Variants in MYO1H observed in about 807,000 individuals in gnomAD.
MYO1H encodes the protein myosin IH.
In MYO1H, 118 loss-of-function variants were observed where a neutral mutation model predicts 149.3. The observed-to-expected ratio is 0.79, with a 90% CI of 0.68 to 0.92. The LOEUF (loss-of-function observed/expected upper bound fraction) is 0.92, where lower values mean the gene tolerates loss of function less well. MYO1H is among the 40% of genes least tolerant of loss of function. MYO1H has a pLI of 0.00. For missense variants in MYO1H, 1,212 were observed against 1,280.7 expected (o/e 0.95, Z 0.82); for synonymous variants, 447 against 465.2 (o/e 0.96, Z 0.50).
chr12:109,401,094 G>A (rs1325602649), exon 6 of MYO1H: 14 of 1,613,046 alleles, frequency 8.7e-6, no homozygotes, highest in African/African-American at 1.3e-5. Context: ...GTTTTGAAGG[G>A]CATTCCCGTA....
chr12:109,413,729 G>GT, intron 14 of MYO1H, among the ~76,000 whole-genome samples: 1 of 152,128 alleles, frequency 6.6e-6, no homozygotes, highest in Admixed American at 6.6e-5. Context: ...GACCAACATG[G>GT]TGAAACCCTG....
intron 2 of MYO1H, among the ~76,000 whole-genome samples, chr12:109,389,440 G>A (rs140004430): frequency 5.5e-4 from 83 of 152,234 alleles, no homozygotes; most frequent in Non-Finnish European, 1.0e-3. Flanking sequence ...GCCCTGGACG[G>A]TATAGGCAGA....
intron 27 of MYO1H, among the ~76,000 whole-genome samples, chr12:109,443,042 G>GTGTGTGTGTGTGTATACACA (rs1276021967): frequency 1.1e-5 from 1 of 91,974 alleles, no homozygotes; most frequent in East Asian, 3.1e-4. Flanking sequence ...GTGTGTGTGT[G>GTGTGTGTGTGTGTATACACA]TGTGTATATA....
At chr12:109,345,212 T>A (rs1303659692), upstream of MYO1H, among the ~76,000 whole-genome samples, 1 of 152,184 alleles carries the variant, frequency 6.6e-6, no homozygotes, top group African/African-American at 2.4e-5. Flanking sequence ...CAGTGTCAGA[T>A]AAAGTTCTAG....
intron 1 of MYO1H, among the ~76,000 whole-genome samples, chr12:109,361,402 C>T (rs1868743662): frequency 6.6e-6 from 1 of 152,086 alleles, no homozygotes; most frequent in Admixed American, 6.5e-5. Context: ...TTGCTGAGGA[C>T]TTACCCCCCA....
intron 1 of MYO1H, among the ~76,000 whole-genome samples, chr12:109,363,757 GAGA>G (rs1208445566): frequency 3.3e-5 from 5 of 152,056 alleles, no homozygotes; most frequent in Non-Finnish European, 5.9e-5. Flanking sequence ...TCCCACCTGC[GAGA>G]AGATGTACCT....
In MYO1H at chr12:109,397,819, T is replaced by A; in HGVS notation, c.570+7T>A. On this transcript the variant is annotated splice_region_variant and intron_variant, in intron 5 of 31. Transcript: ENST00000310903. Reference sequence around the variant, plus strand: ...TATACAATTTGATTTTCAGGTACACTGAAGCTCCTATTACTGGTTCATGGG... The same window carrying A: ...TATACAATTTGATTTTCAGGTACACAGAAGCTCCTATTACTGGTTCATGGG... 6.2e-7 allele frequency: 1 copy of A among 1,603,716 alleles called. No homozygotes were observed. Among genetic ancestry groups the A allele is most frequent in the Non-Finnish European group, 8.5e-7 (1 of 1,174,230 alleles).
intron 1 of MYO1H, among the ~76,000 whole-genome samples, chr12:109,352,591 T>G (rs1868487312): frequency 1.3e-5 from 2 of 152,212 alleles, no homozygotes; most frequent in Non-Finnish European, 2.9e-5. Flanking sequence ...ACAGATTATT[T>G]TTCTCCCCGA....
Position 109,396,814 on chromosome 12 carries a change from G to GTTTTTTTTTTTTTTT in MYO1H, c.489+248_489+262dup, listed in dbSNP as rs60551691. On this transcript the variant is annotated intron_variant, in intron 4 of 31. Transcript: ENST00000310903. ...GACATTTGGTTTTTGTTTTGGTTTC[G>GTTTTTTTTTTTTTTT]TTTTTTTTTTTTTTTTTTTTTTTTT... Among the ~76,000 whole-genome samples the GTTTTTTTTTTTTTTT allele has an allele frequency of 4.7e-4, 24 of 51,072 alleles. 4 individuals carry two copies. The highest frequency in any genetic ancestry group is 7.5e-4 in the East Asian group (1 of 1,328). 33.5% of individuals were successfully genotyped at this position (51,072 alleles called of 152,430 possible).
At chr12:109,348,630 C>T (rs1446555837) in intron 1 of MYO1H, among the ~76,000 whole-genome samples, 1 of 152,190 alleles carries the variant, frequency 6.6e-6, no homozygotes, top group Non-Finnish European at 1.5e-5. Context: ...AATGGTAAAG[C>T]TCTCCTGGGA....
chr12:109,399,591 CAAAAAAAAA>C (rs34417905), intron 5 of MYO1H, among the ~76,000 whole-genome samples: 2 of 70,512 alleles, frequency 2.8e-5, no homozygotes, highest in Admixed American at 1.5e-4. Context: ...GACTCTGTCT[CAAAAAAAAA>C]AAAAAAAAAA....
At chr12:109,346,152 AC>A (rs1390793490), upstream of MYO1H, among the ~76,000 whole-genome samples, 2 of 152,198 alleles carry the variant, frequency 1.3e-5, no homozygotes, top group Admixed American at 1.3e-4. Flanking sequence ...ATGTACAGAC[AC>A]TTTTTTGTCA....
Position 109,428,799 on chromosome 12 carries a change from A to AC in MYO1H, c.1949+1219dup, listed in dbSNP as rs1381506494. On this transcript the variant is annotated intron_variant, in intron 19 of 31. Coordinates refer to ENST00000310903, the Ensembl canonical transcript of MYO1H. The stretch of plus-strand genomic sequence containing the variant: ...CAGGGCAACAGCCACTGCCCACCTC[A>AC]CCCCCCTCCAAACATATACACACTT... Among the ~76,000 whole-genome samples the AC allele has an allele frequency of 6.8e-3, 846 of 124,414 alleles. 15 individuals are homozygous for AC. Among genetic ancestry groups the AC allele is most frequent in the African/African-American group, 0.024 (814 of 34,602 alleles). The allele number at this position is 124,414 out of a possible 152,430, so 81.6% of individuals were successfully genotyped here.
chr12:109,409,261 T>C (rs1188049654), intron 10 of MYO1H, among the ~76,000 whole-genome samples: 17 of 106,850 alleles, frequency 1.6e-4, no homozygotes, highest in South Asian at 6.2e-4. Flanking sequence ...TTTTTTTTTT[T>C]TTTTTTTTTT....
chr12:109,436,279 A>T (rs1366174684), intron 21 of MYO1H, among the ~76,000 whole-genome samples: 1 of 151,780 alleles, frequency 6.6e-6, no homozygotes, highest in East Asian at 1.9e-4. Flanking sequence ...CAGGAAGGAA[A>T]CTCCAGTTCC....
At chr12:109,408,308 A>G (rs1300578752) in intron 10 of MYO1H, among the ~76,000 whole-genome samples, 1 of 151,966 alleles carries the variant, frequency 6.6e-6, no homozygotes, top group East Asian at 1.9e-4. Flanking sequence ...AATAGCTGGA[A>G]CTACAGTTGC....
At position 109,420,130 on chromosome 12, in the gene MYO1H, T is replaced by A. The variant is rs139798615; in HGVS notation, c.1598-851T>A. Among the ~76,000 whole-genome samples the A allele has an allele frequency of 1.2e-3, 181 of 152,306 alleles. 3 individuals are homozygous for A. Among genetic ancestry groups the A allele is most frequent in the African/African-American group, 4.3e-3 (178 of 41,566 alleles). ...TTGAAGTTCAGTGCCACTCTGTTTC[T>A]GTATATTCAGTGTATTTGTGTTTCT... On this transcript the variant is annotated intron_variant, in intron 15 of 31. Coordinates refer to ENST00000310903, the Ensembl canonical transcript of MYO1H.
chr12:109,396,637 G>A (rs1869920810), intron 4 of MYO1H, 55 bp downstream of exon 4: 48 of 1,504,978 alleles, frequency 3.2e-5, no homozygotes, highest in Middle Eastern at 2.2e-4. Context: ...CACTAAGTGA[G>A]ACAAATCCTG....
At chr12:109,417,363 T>G (rs1054514446) in intron 15 of MYO1H, among the ~76,000 whole-genome samples, 1 of 152,142 alleles carries the variant, frequency 6.6e-6, no homozygotes, top group Non-Finnish European at 1.5e-5. Flanking sequence ...TGTTCTGCTC[T>G]GTCTCCCAGG....
Sources: gnomAD v4.1 joint callset for allele counts (sites outside exome capture counted in the v4.1 genomes callset) on GRCh38, gnomAD v4.1.1 for gene constraint, MANE v1.5 for transcripts, NCBI Gene and HGNC (gene_info 2026-07-23, HGNC 2026-07-21) for gene names.